CSMD3: variants seen among roughly 807,000 people sequenced by gnomAD.
CSMD3 encodes the protein CUB and sushi domain-containing protein 3.
A neutral mutation model predicts 435.2 loss-of-function variants in CSMD3; 177 were observed. The observed-to-expected ratio is 0.41, with a 90% CI of 0.36 to 0.46. The LOEUF (loss-of-function observed/expected upper bound fraction) is 0.46, where lower values mean the gene tolerates loss of function less well. CSMD3 is among the 20% of genes least tolerant of loss of function. The probability of loss-of-function intolerance (pLI) is 0.34; values close to 1 mark genes in which losing one functional copy is unlikely to be tolerated. For synonymous variants in CSMD3, 1,656 were observed against 1,520.5 expected, an observed-to-expected ratio of 1.09 and a Z score of -2.07; for missense variants, 4,265 against 4,504.6, an observed-to-expected ratio of 0.95 and a Z score of 1.52.
chr8:112,605,896 T>C (rs1456001437), intron 22 of CSMD3, among the ~76,000 whole-genome samples: 1 of 152,172 alleles, frequency 6.6e-6, no homozygotes, highest in Non-Finnish European at 1.5e-5. Context: ...ATTTCTAGCA[T>C]AATCTGTCAA....
intron 3 of CSMD3, among the ~76,000 whole-genome samples, chr8:113,208,749 G>A (rs2092799625): frequency 6.6e-6 from 1 of 151,836 alleles, no homozygotes; most frequent in African/African-American, 2.4e-5. Context: ...ATTTATAAGT[G>A]TATATATATT....
chr8:112,819,535 G>A (rs552434952), intron 12 of CSMD3, among the ~76,000 whole-genome samples: 13 of 152,260 alleles, frequency 8.5e-5, no homozygotes, highest in African/African-American at 2.4e-4. Context: ...AAATCTTTTA[G>A]CCAGTCAGCC....
intron 31 of CSMD3, among the ~76,000 whole-genome samples, chr8:112,488,750 A>C (rs185230986): frequency 2.0e-5 from 3 of 152,320 alleles, no homozygotes. Context: ...TATAACACTG[A>C]AACATTGAAG....
At chr8:112,876,731 C>T (rs532333034) in intron 10 of CSMD3, among the ~76,000 whole-genome samples, 2 of 152,176 alleles carry the variant, frequency 1.3e-5, no homozygotes, top group African/African-American at 4.8e-5. Flanking sequence ...TACTCGTATT[C>T]AACATAGTAT....
intron 5 of CSMD3, among the ~76,000 whole-genome samples, chr8:113,057,824 A>T (rs1187805890): frequency 6.6e-6 from 1 of 151,956 alleles, no homozygotes; most frequent in Non-Finnish European, 1.5e-5. Context: ...ATAGATATGT[A>T]GGATATGAAA....
intron 3 of CSMD3, among the ~76,000 whole-genome samples, chr8:113,253,962 A>G (rs536291614): frequency 1.3e-5 from 2 of 152,102 alleles, no homozygotes; most frequent in Non-Finnish European, 2.9e-5. Context: ...ATAACATTCC[A>G]CTTCAATTTT....
chr8:112,446,614 G>A (rs930735271), intron 32 of CSMD3, among the ~76,000 whole-genome samples: 8 of 152,110 alleles, frequency 5.3e-5, no homozygotes, highest in Non-Finnish European at 1.0e-4. Context: ...AATGAAATAG[G>A]TTTGCTGATT....
At chr8:113,383,160 G>C (rs769266079) in intron 1 of CSMD3, among the ~76,000 whole-genome samples, 1 of 152,134 alleles carries the variant, frequency 6.6e-6, no homozygotes, top group South Asian at 2.1e-4. Context: ...ATGAAAGAAC[G>C]TAAGTCTTAA....
chr8:112,476,625 A>C (rs73700930), intron 31 of CSMD3, among the ~76,000 whole-genome samples: 2,643 of 152,200 alleles, frequency 0.017, 79 homozygotes, highest in African/African-American at 0.06. Context: ...TGTTTATGTA[A>C]TTGATAATAA....
chr8:113,262,747 T>C (rs976969089), intron 3 of CSMD3, among the ~76,000 whole-genome samples: 1 of 151,970 alleles, frequency 6.6e-6, no homozygotes, highest in Non-Finnish European at 1.5e-5. Context: ...GAGTCATCAA[T>C]AATACAATTG....
At chr8:113,358,785 T>C (rs771992493) in intron 1 of CSMD3, among the ~76,000 whole-genome samples, 21 of 150,980 alleles carry the variant, frequency 1.4e-4, no homozygotes, top group Non-Finnish European at 2.2e-4. Flanking sequence ...TCTGGGATGG[T>C]CGTGGATGGG....
intron 4 of CSMD3, among the ~76,000 whole-genome samples, chr8:113,137,941 T>C (rs2091456044): frequency 6.6e-6 from 1 of 151,602 alleles, no homozygotes; most frequent in Non-Finnish European, 1.5e-5. Context: ...CAACTTCTTC[T>C]CCTTAGCACT....
chr8:113,038,231 A>C (rs550692198), intron 5 of CSMD3, among the ~76,000 whole-genome samples: 110 of 152,346 alleles, frequency 7.2e-4, no homozygotes, highest in Middle Eastern at 3.4e-3. Flanking sequence ...TGTAGTTGGA[A>C]TATAAAACAT....
At position 112,311,102 on chromosome 8, in the gene CSMD3, C is replaced by A. The variant is rs374883146; in HGVS notation, c.7761G>T (p.Gln2587His). Residue 2587 changes from glutamine (Q) to histidine (H), a missense_variant, in exon 50 of 71, where the codon CAG (glutamine) becomes CAT (histidine). Gln to His is a conservative substitution (Grantham distance 24). Coordinates refer to ENST00000297405, the MANE Select transcript of CSMD3 (RefSeq NM_198123.2). ...HGYIISQTGG[Q>H]LNSVVRWACD... The stretch of plus-strand genomic sequence containing the variant: ...AGGCCCAACGGACCACACTGTTAAG[C>A]TGCCCACCTGTCTGACTGATAATAT... 212 of 1,613,906 alleles carry A rather than the reference C, an allele frequency of 1.3e-4. No individual in the cohort carries two copies. Among genetic ancestry groups the A allele is most frequent in the Non-Finnish European group, 1.7e-4 (199 of 1,179,972 alleles).
chr8:113,212,572 A>C (rs2092849518), intron 3 of CSMD3, among the ~76,000 whole-genome samples: 1 of 152,142 alleles, frequency 6.6e-6, no homozygotes, highest in Non-Finnish European at 1.5e-5. Flanking sequence ...AAAATGATGA[A>C]TTCACGTCCT....
intron 2 of CSMD3, among the ~76,000 whole-genome samples, chr8:113,306,083 C>T (rs182246643): frequency 6.6e-6 from 1 of 152,142 alleles, no homozygotes; most frequent in East Asian, 1.9e-4. Context: ...TGGTGTGTCT[C>T]ATTAATATTA....
chr8:113,146,410 T>G (rs2131755308), intron 4 of CSMD3, among the ~76,000 whole-genome samples: 1 of 151,622 alleles, frequency 6.6e-6, no homozygotes, highest in South Asian at 2.1e-4. Context: ...ATATGCATAC[T>G]CTGATAGATG....
intron 13 of CSMD3, among the ~76,000 whole-genome samples, chr8:112,797,342 T>C (rs1040843273): frequency 6.6e-6 from 1 of 151,920 alleles, no homozygotes; most frequent in African/African-American, 2.4e-5. Flanking sequence ...CAGCTTTTAA[T>C]CTTTTTTCTA....
intron 3 of CSMD3, among the ~76,000 whole-genome samples, chr8:113,185,748 CGT>C (rs1033966079): frequency 3.2e-4 from 48 of 151,768 alleles, no homozygotes; most frequent in African/African-American, 1.1e-3. Context: ...TGTGTGCATG[CGT>C]GTGTGTGTGC....
Sources: gnomAD v4.1 joint callset for allele counts (sites outside exome capture counted in the v4.1 genomes callset) on GRCh38, gnomAD v4.1.1 for gene constraint, MANE v1.5 for transcripts, NCBI Gene and HGNC (gene_info 2026-07-23, HGNC 2026-07-21) for gene names.